LZTFL1: variants seen among roughly 807,000 people sequenced by gnomAD.
The protein encoded by LZTFL1 is leucine zipper transcription factor like 1.
A neutral mutation model predicts 45.9 loss-of-function variants in LZTFL1; 25 were observed. The ratio of observed to expected loss-of-function variants is 0.54; its 90% confidence interval spans 0.40 to 0.76. LZTFL1 has a LOEUF of 0.76. Among genes scored for constraint, LZTFL1 ranks in the 30% least tolerant of loss-of-function variants. The pLI is 0.00. For synonymous variants in LZTFL1, 93 were observed against 117.4 expected, an observed-to-expected ratio of 0.79 and a Z score of 1.35; for missense variants, 277 against 331.1, an observed-to-expected ratio of 0.84 and a Z score of 1.27.
intron 2 of LZTFL1, among the ~76,000 whole-genome samples, chr3:45,873,543 A>G (rs896130048): frequency 2.6e-5 from 4 of 152,212 alleles, no homozygotes; most frequent in East Asian, 1.9e-4. Context: ...GCAGTGAACT[A>G]TTATAATTCA....
chr3:45,830,340 G>A (rs573228758), intron 7 of LZTFL1, among the ~76,000 whole-genome samples: 2 of 152,296 alleles, frequency 1.3e-5, no homozygotes, highest in East Asian at 3.9e-4. Flanking sequence ...TCCCGCAGGC[G>A]GAGTGACATT....
chr3:45,842,013 C>T lies in LZTFL1; in HGVS notation c.-22G>A. The T allele has an allele frequency of 1.9e-6, 3 of 1,608,472 alleles. No individual in the cohort carries two copies. Among genetic ancestry groups the T allele is most frequent in the Non-Finnish European group, 2.5e-6 (3 of 1,178,646 alleles). On this transcript the variant is annotated 5_prime_UTR_variant, in exon 1 of 10. Coordinates refer to ENST00000296135, the MANE Select transcript of LZTFL1 (RefSeq NM_020347.4). ...CCATGGCGGCAGGCAGCGGCGGCAGCCTAAAGGAACGGGAGAGGCCAGGCG... is the reference window on the plus strand; with the variant it reads ...CCATGGCGGCAGGCAGCGGCGGCAGTCTAAAGGAACGGGAGAGGCCAGGCG...
At chr3:45,854,034 G>C (rs748683521) in intron 4 of LZTFL1, among the ~76,000 whole-genome samples, 6 of 152,128 alleles carry the variant, frequency 3.9e-5, no homozygotes, top group African/African-American at 9.7e-5. Flanking sequence ...TCTCAGGTCT[G>C]CACCATTTTA....
intron 2 of LZTFL1, among the ~76,000 whole-genome samples, chr3:45,912,731 C>A (rs1417627908): frequency 6.6e-6 from 1 of 152,208 alleles, no homozygotes; most frequent in Non-Finnish European, 1.5e-5. Flanking sequence ...TGTGGGAGCA[C>A]AGCCTCAATG....
intron 1 of LZTFL1, chr3:45,841,656 C>T: frequency 2.2e-6 from 1 of 464,140 alleles, no homozygotes; most frequent in South Asian, 3.2e-5. Context: ...CCCTGCCGTG[C>T]ACCTTAGGCC....
chr3:45,876,397 C>T (rs1235330494), intron 2 of LZTFL1, among the ~76,000 whole-genome samples: 2 of 152,118 alleles, frequency 1.3e-5, no homozygotes, highest in Non-Finnish European at 2.9e-5. Flanking sequence ...GCTTTGGCAC[C>T]GTGTGGGTGC....
At position 45,900,386 on chromosome 3, in the gene LZTFL1, A is replaced by C. The variant is rs1702511868; in HGVS notation, c.-215+12734T>G. 6.6e-6 allele frequency among the ~76,000 whole-genome samples: 1 copy of C among 152,064 alleles called. No individual in the cohort carries two copies. Among genetic ancestry groups the C allele is most frequent in the East Asian group, 1.9e-4 (1 of 5,188 alleles). On this transcript the variant is annotated intron_variant, in intron 2 of 4. Coordinates refer to the LZTFL1 transcript ENST00000472635. This position sits in a 1 kb window ranked among gnomAD's most constrained non-coding sequence, Gnocchi z 4.7. ...CTAACCTTTTTAGGGTCAGTGAAAA[A>C]CTGAATAGATAGGAGAAGTACGATC...
intron 2 of LZTFL1, among the ~76,000 whole-genome samples, chr3:45,866,401 G>C (rs1701578603): frequency 6.6e-6 from 1 of 152,104 alleles, no homozygotes; most frequent in African/African-American, 2.4e-5. Context: ...CTTTCAAAAA[G>C]AAAACCGTTA....
chr3:45,878,103 TA>T (rs1163574616), intron 2 of LZTFL1, among the ~76,000 whole-genome samples: 1 of 152,220 alleles, frequency 6.6e-6, no homozygotes, highest in Non-Finnish European at 1.5e-5. Flanking sequence ...CAATGTGATG[TA>T]TCTACATGGT....
rs149156522 is a variant in LZTFL1, at chr3:45,837,502, A to G, written c.128+425T>C. Among the ~76,000 whole-genome samples the G allele has an allele frequency of 6.0e-4, 91 of 152,316 alleles. 1 individual carries two copies. Among genetic ancestry groups the G allele is most frequent in the African/African-American group, 2.0e-3 (84 of 41,572 alleles). ...AATTTTGGTACTAGTCAGCATTATG[A>G]TTTCCTGCTGTTTTCCTCTCTACTA... On this transcript the variant is annotated intron_variant, in intron 2 of 9. Coordinates refer to ENST00000296135, the MANE Select transcript of LZTFL1 (RefSeq NM_020347.4).
chr3:45,846,194 C>T (rs1396439750), upstream of LZTFL1, among the ~76,000 whole-genome samples: 1 of 152,192 alleles, frequency 6.6e-6, no homozygotes, highest in Non-Finnish European at 1.5e-5. Flanking sequence ...CAGACATATT[C>T]AGCTATCCCT....
At position 45,887,465 on chromosome 3, in the gene LZTFL1, A is replaced by G. The variant is rs1195260605; in HGVS notation, c.-215+25655T>C. 2.0e-5 allele frequency among the ~76,000 whole-genome samples: 3 copies of G among 152,208 alleles called. No homozygotes were observed. The East Asian group carries it at 5.8e-4, about 29-fold the overall frequency. On this transcript the variant is annotated intron_variant, in intron 2 of 4. Transcript: ENST00000472635. ...AGCAAAAAGTTATTTTAAATGACTC[A>G]TCAGTGGATGCTGGTTTGCCTTTTC...
intron 8 of LZTFL1, 58 bp downstream of exon 8, chr3:45,828,381 A>G (rs1290057403): frequency 6.7e-7 from 1 of 1,492,586 alleles, no homozygotes; most frequent in Non-Finnish European, 9.2e-7. Context: ...GTATTCCTCT[A>G]TACTGTGTGC....
rs1701010629 is a variant in LZTFL1 at position 45,838,046 on chromosome 3, C to T, written c.9G>A (p.Glu3=). Residue 3 remains glutamate (E), a synonymous_variant, in exon 2 of 10, where the codon GAG becomes GAA. Transcript: ENST00000296135. MA[E]LGLNEHHQNE... ...TTTGATGGTGCTCATTTAGGCCCAA[C>T]TCTGCCTGAAAAAGAAAGAGGTAAT... 1 of 1,591,712 alleles carries T rather than the reference C, an allele frequency of 6.3e-7. No homozygotes were observed. The highest frequency in any genetic ancestry group is 2.2e-5 in the East Asian group (1 of 44,644).
intron 2 of LZTFL1, among the ~76,000 whole-genome samples, chr3:45,887,205 G>A (rs1012184903): frequency 6.6e-6 from 1 of 151,992 alleles, no homozygotes; most frequent in Non-Finnish European, 1.5e-5. Context: ...CAAGATAGAA[G>A]ATTATATGTG....
At chr3:45,889,327 C>T (rs557741192) in intron 2 of LZTFL1, among the ~76,000 whole-genome samples, 2 of 152,114 alleles carry the variant, frequency 1.3e-5, no homozygotes, top group South Asian at 2.1e-4. Context: ...AAAGAGAAAC[C>T]TTTATAGAAA....
In LZTFL1 at chr3:45,891,382, C is replaced by T. The variant is rs6794222; in HGVS notation, c.-215+21738G>A. 5.7e-3 allele frequency among the ~76,000 whole-genome samples: 862 copies of T among 152,282 alleles called. 8 individuals are homozygous for T. The highest frequency in any genetic ancestry group is 0.019 in the African/African-American group (789 of 41,548). On this transcript the variant is annotated intron_variant, in intron 2 of 4. Coordinates refer to the LZTFL1 transcript ENST00000472635. ...ATTGTGTAAAGAATGCTTATAAACCCTTCACCCAAACCATTGTTTTCATTT... is the reference window on the plus strand; with the variant it reads ...ATTGTGTAAAGAATGCTTATAAACCTTTCACCCAAACCATTGTTTTCATTT...
In LZTFL1 at chr3:45,826,106, G is replaced by T. The variant is rs1026145045; in HGVS notation, c.*208C>A. On this transcript the variant is annotated 3_prime_UTR_variant, in exon 10 of 10. Coordinates refer to ENST00000296135, the MANE Select transcript of LZTFL1 (RefSeq NM_020347.4). ...AGCTAAGACTCTGGAGCACTCAGTA[G>T]AGAGGTGTGTGGGATGACCAGACAG... The T allele has an allele frequency of 1.8e-6, 1 of 570,774 alleles. No homozygotes were observed. The highest frequency in any genetic ancestry group is 3.1e-6 in the Non-Finnish European group (1 of 321,480). 35.4% of individuals were successfully genotyped at this position (570,774 alleles called of 1,614,324 possible). A position where few individuals can be genotyped will look rare whatever the true frequency, so the allele number is the denominator to read the frequency against.
At chr3:45,840,396 T>C (rs755445289) in intron 1 of LZTFL1, among the ~76,000 whole-genome samples, 3 of 152,194 alleles carry the variant, frequency 2.0e-5, no homozygotes, top group South Asian at 4.1e-4. Context: ...TGTGGTATAA[T>C]AGACAAAGCA....
Sources: allele counts gnomAD v4.1 joint callset (sites outside exome capture counted in the v4.1 genomes callset), GRCh38; gene constraint gnomAD v4.1.1; non-coding constraint Gnocchi (gnomAD v3.1); transcripts MANE v1.5; gene names NCBI Gene and HGNC (gene_info 2026-07-23, HGNC 2026-07-21).